Variants in CREBRF observed in about 807,000 individuals in gnomAD.
The protein encoded by CREBRF is CREB3 regulatory factor.
A neutral mutation model predicts 66.1 loss-of-function variants in CREBRF; 5 were observed. The observed-to-expected ratio is 0.08, with a 90% CI of 0.04 to 0.16. CREBRF has a LOEUF of 0.16. Ranked by LOEUF, CREBRF falls within the 10% of genes least tolerant of loss-of-function variation. CREBRF has a pLI of 1.00. For synonymous variants in CREBRF, 229 were observed against 264.4 expected, an observed-to-expected ratio of 0.87 and a Z score of 1.30; for missense variants, 531 against 744.9, an observed-to-expected ratio of 0.71 and a Z score of 3.34.
At chr5:173,059,879 C>T (rs948391433) in intron 1 of CREBRF, among the ~76,000 whole-genome samples, 6 of 152,100 alleles carry the variant, frequency 3.9e-5, no homozygotes, top group African/African-American at 7.2e-5. Context: ...AAATAGCTCC[C>T]GAAGAGAGTC....
chr5:173,082,653 A>G (rs1757992206), intron 2 of CREBRF, among the ~76,000 whole-genome samples: 1 of 151,872 alleles, frequency 6.6e-6, no homozygotes. Flanking sequence ...CATATCTGTA[A>G]TCCCAGAACT....
chr5:173,076,831 A>G (rs1385390385), intron 1 of CREBRF, among the ~76,000 whole-genome samples: 1 of 152,098 alleles, frequency 6.6e-6, no homozygotes, highest in Non-Finnish European at 1.5e-5. Context: ...TAAAGACAAC[A>G]GAGAGAGGAA....
At chr5:173,113,735 C>T (rs1490763850) in intron 7 of CREBRF, among the ~76,000 whole-genome samples, 3 of 152,258 alleles carry the variant, frequency 2.0e-5, no homozygotes, top group Admixed American at 6.5e-5. Flanking sequence ...TGAGGCATCA[C>T]GGAATATAAC....
At chr5:173,079,036 T>A (rs1235074434) in intron 1 of CREBRF, among the ~76,000 whole-genome samples, 1 of 152,140 alleles carries the variant, frequency 6.6e-6, no homozygotes, top group African/African-American at 2.4e-5. Context: ...GGGCAATGAT[T>A]ATGACTACAT....
At chr5:173,063,985 G>C (rs552234337) in intron 1 of CREBRF, among the ~76,000 whole-genome samples, 1 of 152,126 alleles carries the variant, frequency 6.6e-6, no homozygotes, top group African/African-American at 2.4e-5. Flanking sequence ...GCCTCCCAAA[G>C]TGCTGGGATT....
rs1561804420 is a variant in CREBRF at position 173,091,063 on chromosome 5, C to G, written c.884C>G (p.Thr295Ser). The change falls in exon 4 of 9, where the codon ACC becomes AGC. Residue 295 changes from threonine to serine, a missense_variant. By Grantham distance (58) the Thr-to-Ser change is moderately conservative. Around this residue, in one of 5 missense-constraint regions of CREBRF, gnomAD observed 309 missense variants for 341.4 expected, o/e 0.90. Coordinates refer to ENST00000296953, the MANE Select transcript of CREBRF (RefSeq NM_153607.3). ...ACTCCCGCTTTGCCTTTTAAAGAAA[C>G]CCAGGAACTATTACTAAGTCCCCTG... The part of the protein sequence containing the change: ...HATPALPFKE[T>S]QELLLSPLPQ... 1.9e-6 allele frequency: 3 copies of G among 1,614,164 alleles called. No individual in the cohort carries two copies. The highest frequency in any genetic ancestry group is 2.5e-6 in the Non-Finnish European group (3 of 1,180,030).
intron 8 of CREBRF, among the ~76,000 whole-genome samples, chr5:173,125,725 G>A (rs1463708606): frequency 6.6e-6 from 1 of 152,184 alleles, no homozygotes; most frequent in Admixed American, 6.5e-5. Context: ...AAAGCTGGGT[G>A]TGGTGGCACG....
Position 173,090,263 on chromosome 5 carries a change from A to C in CREBRF, c.136-52A>C. 3.4e-6 allele frequency: 5 copies of C among 1,458,964 alleles called. No individual in the cohort carries two copies. Among genetic ancestry groups the C allele is most frequent in the Non-Finnish European group, 4.7e-6 (5 of 1,070,810 alleles). 90.4% of individuals were successfully genotyped at this position (1,458,964 alleles called of 1,614,324 possible). A position where few individuals can be genotyped will look rare whatever the true frequency, so the allele number is the denominator to read the frequency against. On this transcript the variant is annotated intron_variant, in intron 3 of 8. Transcript: ENST00000296953. This position sits in a 1 kb window ranked among gnomAD's most constrained non-coding sequence, Gnocchi z 4.5. ...TTATCAGTTTGACATATGGAGGTGA[A>C]TATTTCCTTCTGAAATATGATGTGC...
At chr5:173,086,943 A>ATTTT (rs1165232588) in intron 3 of CREBRF, among the ~76,000 whole-genome samples, 1 of 98,416 alleles carries the variant, frequency 1.0e-5, no homozygotes. Context: ...CATCCAACTA[A>ATTTT]TTTTGTTTTT....
At position 173,072,103 on chromosome 5, in the gene CREBRF, T is replaced by A. The variant is rs886519912; in HGVS notation, c.-191-8482T>A. ...ATTAATTTTTAATAATTATTAAATT[T>A]AAAATTTTTCCTTTTTTTTTAAGAG... On this transcript the variant is annotated intron_variant, in intron 1 of 8. Transcript: ENST00000296953. Among the ~76,000 whole-genome samples the A allele has an allele frequency of 2.6e-5, 4 of 152,140 alleles. No homozygotes were observed. In the South Asian group the frequency reaches 8.3e-4, roughly 31 times the overall value.
intron 7 of CREBRF, among the ~76,000 whole-genome samples, chr5:173,112,847 C>T (rs570942953): frequency 6.6e-6 from 1 of 152,210 alleles, no homozygotes; most frequent in African/African-American, 2.4e-5. Context: ...ATAATTCAGA[C>T]CTGTGTTTTT....
In CREBRF at chr5:173,133,769, A is replaced by G. The variant is rs771722941; in HGVS notation, c.*24A>G. On this transcript the variant is annotated 3_prime_UTR_variant, in exon 9 of 9. Transcript: ENST00000296953. ...AATCAGCCTCATTGGACCACTGGTC[A>G]GAAATGTCTGCGTTTTGTCACGTTA... 1 of 1,266,616 alleles carries G rather than the reference A, an allele frequency of 7.9e-7. No homozygotes were observed. Among genetic ancestry groups the G allele is most frequent in the Non-Finnish European group, 1.1e-6 (1 of 877,836 alleles). 78.5% of individuals were successfully genotyped at this position (1,266,616 alleles called of 1,614,324 possible).
In CREBRF at chr5:173,135,902, C is replaced by T. The variant is rs1312380526; in HGVS notation, c.*2157C>T. On this transcript the variant is annotated 3_prime_UTR_variant, in exon 9 of 9. Coordinates refer to ENST00000296953, the MANE Select transcript of CREBRF (RefSeq NM_153607.3). ...TTGGTGGAAATGTACCTGGTTTGTA[C>T]ATTCACGCTAAACAGATGATAAGCT... 6.6e-6 allele frequency: 1 copy of T among 152,452 alleles called. No homozygotes were observed. Among genetic ancestry groups the T allele is most frequent in the East Asian group, 1.9e-4 (1 of 5,192 alleles). 9.4% of individuals were successfully genotyped at this position (152,452 alleles called of 1,614,324 possible).
At chr5:173,072,450 T>G (rs934509318) in intron 1 of CREBRF, among the ~76,000 whole-genome samples, 2 of 152,178 alleles carry the variant, frequency 1.3e-5, no homozygotes, top group African/African-American at 4.8e-5. Context: ...TAATTTTTTT[T>G]GTTTATTAGT....
At chr5:173,060,343 G>C (rs980409022) in intron 1 of CREBRF, 3 of 150,542 alleles carry the variant, frequency 2.0e-5, no homozygotes, top group African/African-American at 4.9e-5. Flanking sequence ...CGATTATCCT[G>C]CCCCAGCCTC....
At chr5:173,073,374 TCAC>T (rs1354613207) in intron 1 of CREBRF, among the ~76,000 whole-genome samples, 3 of 152,240 alleles carry the variant, frequency 2.0e-5, no homozygotes, top group Non-Finnish European at 4.4e-5. Flanking sequence ...CCTTGTTACT[TCAC>T]CAAGTTGTTT....
chr5:173,112,807 T>A (rs993578043), intron 7 of CREBRF, among the ~76,000 whole-genome samples: 2 of 152,228 alleles, frequency 1.3e-5, no homozygotes, highest in Non-Finnish European at 2.9e-5. Flanking sequence ...TTTCCCTAAA[T>A]TGAATAATGA....
chr5:173,106,362 G>A (rs372579986), intron 4 of CREBRF, among the ~76,000 whole-genome samples: 30 of 151,762 alleles, frequency 2.0e-4, no homozygotes, highest in South Asian at 6.3e-4. Context: ...CCTGGGAGGC[G>A]GAGCTTGCAG....
chr5:173,070,464 A>G (rs1757565078), intron 1 of CREBRF, among the ~76,000 whole-genome samples: 1 of 152,136 alleles, frequency 6.6e-6, no homozygotes, highest in Admixed American at 6.5e-5. Context: ...TTGTTTTACT[A>G]TGGTGAGTTT....
Sources: gnomAD v4.1 joint callset for allele counts (sites outside exome capture counted in the v4.1 genomes callset) on GRCh38, gnomAD v4.1.1 for gene constraint, gnomAD v4.1.1 regional missense constraint, Gnocchi (gnomAD v3.1) non-coding constraint, MANE v1.5 for transcripts, NCBI Gene and HGNC (gene_info 2026-07-23, HGNC 2026-07-21) for gene names.